FRS2: variants seen among roughly 807,000 people sequenced by gnomAD.
The protein encoded by FRS2 is fibroblast growth factor receptor substrate 2.
A neutral mutation model predicts 43.9 loss-of-function variants in FRS2; 8 were observed. That is an observed-to-expected ratio of 0.18 (90% CI 0.11 to 0.33). The LOEUF (loss-of-function observed/expected upper bound fraction) is 0.33. Ranked by LOEUF, FRS2 falls within the 10% of genes least tolerant of loss-of-function variation. The pLI, the probability that FRS2 is intolerant of heterozygous loss-of-function variation, is 1.00. For synonymous variants in FRS2, 219 were observed against 220.3 expected (o/e 0.99, Z 0.05); for missense variants, 534 against 627.6 (o/e 0.85, Z 1.59).
intron 1 of FRS2, among the ~76,000 whole-genome samples, chr12:69,488,671 T>C (rs993449170): frequency 3.3e-5 from 5 of 152,232 alleles, no homozygotes; most frequent in African/African-American, 9.6e-5. Context: ...TTTTGACATA[T>C]ACCTAATTCC....
At chr12:69,555,069 C>T (rs540412464) in intron 3 of FRS2, among the ~76,000 whole-genome samples, 45 of 150,484 alleles carry the variant, frequency 3.0e-4, no homozygotes, top group Admixed American at 6.6e-4. Flanking sequence ...TTTTTTGAGA[C>T]GGAGTCTCAC....
intron 3 of FRS2, among the ~76,000 whole-genome samples, chr12:69,545,779 C>CA (rs1184877881): frequency 9.2e-6 from 1 of 108,230 alleles, no homozygotes; most frequent in Non-Finnish European, 1.9e-5. Flanking sequence ...AAAAAAAAAA[C>CA]AAAAACAAAA....
At chr12:69,515,250 T>C (rs1313615385) in intron 1 of FRS2, among the ~76,000 whole-genome samples, 2 of 152,264 alleles carry the variant, frequency 1.3e-5, no homozygotes, top group African/African-American at 2.4e-5. Flanking sequence ...ATCTGTTAGA[T>C]TGAACCTACT....
intron 1 of FRS2, among the ~76,000 whole-genome samples, chr12:69,472,252 A>AT (rs1565707289): frequency 2.9e-4 from 41 of 140,676 alleles, no homozygotes; most frequent in Admixed American, 4.3e-4. Context: ...ACACCTGGCT[A>AT]ATTTTTTTTT....
intron 1 of FRS2, among the ~76,000 whole-genome samples, chr12:69,515,517 T>C (rs903128766): frequency 6.6e-5 from 10 of 152,084 alleles, no homozygotes; most frequent in African/African-American, 2.4e-4. Flanking sequence ...GGAGAGGGGA[T>C]ATAGAGTGAC....
chr12:69,516,364 G>T (rs528424328), intron 1 of FRS2, among the ~76,000 whole-genome samples: 1 of 151,914 alleles, frequency 6.6e-6, no homozygotes, highest in Non-Finnish European at 1.5e-5. Flanking sequence ...GATTACAGGC[G>T]TGTGCCACCA....
chr12:69,548,307 T>C (rs945101738), intron 3 of FRS2, among the ~76,000 whole-genome samples: 1 of 152,162 alleles, frequency 6.6e-6, no homozygotes, highest in African/African-American at 2.4e-5. Flanking sequence ...AGTTTCGAAA[T>C]GGTAAGCAGT....
At chr12:69,514,385 GA>G (rs1365860905) in intron 1 of FRS2, among the ~76,000 whole-genome samples, 4 of 152,188 alleles carry the variant, frequency 2.6e-5, no homozygotes, top group African/African-American at 9.7e-5. Flanking sequence ...TGACCTTGCT[GA>G]AACTGCTCCA....
chr12:69,569,637 T>C lies in FRS2; in HGVS notation c.66+541T>C, dbSNP rs550144254. ...TCACACAAACCTAGGTGTAAGTCTG[T>C]CACTTTATAAGCTTTGTGACCTTGG... is the stretch of plus-strand genomic sequence containing the variant. On this transcript the variant is annotated intron_variant, in intron 5 of 8. Coordinates refer to ENST00000549921, the MANE Select transcript of FRS2 (RefSeq NM_001278356.2). Among the ~76,000 whole-genome samples the C allele has an allele frequency of 5.3e-5, 8 of 152,344 alleles. No homozygotes were observed. In the South Asian group the frequency reaches 1.2e-3, roughly 24 times the overall value.
intron 3 of FRS2, among the ~76,000 whole-genome samples, chr12:69,555,734 C>T (rs1039733020): frequency 6.6e-6 from 1 of 152,120 alleles, no homozygotes; most frequent in Non-Finnish European, 1.5e-5. Context: ...AACCAATACC[C>T]AGATACACCA....
At chr12:69,544,714 AT>A (rs1878216169) in intron 3 of FRS2, among the ~76,000 whole-genome samples, 1 of 152,126 alleles carries the variant, frequency 6.6e-6, no homozygotes, top group Non-Finnish European at 1.5e-5. Context: ...CGGAAAAAAA[AT>A]TAATAATAAA....
rs1418098298 is a variant in FRS2, at chr12:69,571,292, G to A, written c.270G>A (p.Lys90=). ...CQTGQGIFAF[K]CARAEELFNM... ...TATTTGTAGGAATCTTTGCCTTTAA[G>A]TGTGCCCGTGCAGAAGAATTATTTA... Residue 90 remains lysine, a synonymous_variant, in exon 7 of 9, where the codon AAG becomes AAA. Transcript: ENST00000549921. 5.0e-6 allele frequency: 8 copies of A among 1,604,648 alleles called. No homozygotes were observed. The highest frequency in any genetic ancestry group is 6.8e-6 in the Non-Finnish European group (8 of 1,176,112).
At position 69,579,038 on chromosome 12, in the gene FRS2, C is replaced by G. The variant is rs576623715; in HGVS notation, c.*4083C>G. The G allele has an allele frequency of 2.0e-5, 3 of 152,638 alleles. No individual in the cohort carries two copies. Among genetic ancestry groups the G allele is most frequent in the Non-Finnish European group, 4.4e-5 (3 of 68,032 alleles). The allele number at this position is 152,638 out of a possible 1,614,324, so 9.5% of individuals were successfully genotyped here. ...TTTTAATATTGGCAAAACGTAACCA[C>G]TGTTAATTAAAATAAAACCTTGTTG... On this transcript the variant is annotated 3_prime_UTR_variant, in exon 9 of 9. Transcript: ENST00000549921.
chr12:69,550,452 TTAAG>T (rs1217226690), intron 3 of FRS2, among the ~76,000 whole-genome samples: 8 of 152,320 alleles, frequency 5.3e-5, no homozygotes, highest in African/African-American at 1.7e-4. Context: ...TTCAGAGAAG[TTAAG>T]TAAGAACTCA....
intron 3 of FRS2, among the ~76,000 whole-genome samples, chr12:69,561,393 A>G (rs572731109): frequency 3.9e-4 from 59 of 152,210 alleles, no homozygotes; most frequent in Non-Finnish European, 2.4e-4. Flanking sequence ...GCTATCAATC[A>G]TATTCTCTAG....
chr12:69,498,603 G>T (rs1220164950), intron 1 of FRS2, among the ~76,000 whole-genome samples: 2 of 150,832 alleles, frequency 1.3e-5, no homozygotes, highest in Non-Finnish European at 3.0e-5. Flanking sequence ...TCTTGTTAGT[G>T]TATTTTATGT....
intron 1 of FRS2, among the ~76,000 whole-genome samples, chr12:69,507,249 G>C (rs1005653100): frequency 6.6e-6 from 1 of 152,134 alleles, no homozygotes; most frequent in Non-Finnish European, 1.5e-5. Flanking sequence ...TGCAGGAGGA[G>C]TATGCCTTTC....
At chr12:69,538,237 TATATATATATAC>T (rs1877531685) in intron 3 of FRS2, among the ~76,000 whole-genome samples, 3 of 75,296 alleles carry the variant, frequency 4.0e-5, no homozygotes, top group African/African-American at 1.7e-4. Context: ...TTGCAGATTA[TATATATATATAC>T]ATATATATAT....
chr12:69,539,931 GGC>G (rs1463067537), intron 3 of FRS2, among the ~76,000 whole-genome samples: 1 of 151,800 alleles, frequency 6.6e-6, no homozygotes, highest in Non-Finnish European at 1.5e-5. Flanking sequence ...CTCCAGCCTG[GGC>G]GACAGTGCGG....
Sources: gnomAD v4.1 joint callset for allele counts (sites outside exome capture counted in the v4.1 genomes callset) on GRCh38, gnomAD v4.1.1 for gene constraint, MANE v1.5 for transcripts, NCBI Gene and HGNC (gene_info 2026-07-23, HGNC 2026-07-21) for gene names.